HS2ST1: variants seen among roughly 807,000 people sequenced by gnomAD.
HS2ST1 encodes heparan sulfate 2-O-sulfotransferase 1.
A neutral mutation model predicts 42.9 loss-of-function variants in HS2ST1; 18 were observed. The ratio of observed to expected loss-of-function variants is 0.42; its 90% CI spans 0.29 to 0.62. The LOEUF (loss-of-function observed/expected upper bound fraction) is 0.62, where lower values mean the gene tolerates loss of function less well. Among genes scored for constraint, HS2ST1 ranks in the 20% least tolerant of loss-of-function variants. HS2ST1 has a pLI of 0.21. For missense variants in HS2ST1, 334 were observed against 433.8 expected (o/e 0.77, Z 2.04); for synonymous variants, 146 against 152.9 (o/e 0.95, Z 0.33).
At chr1:86,937,275 G>C (rs993576274) in intron 1 of HS2ST1, among the ~76,000 whole-genome samples, 10 of 151,980 alleles carry the variant, frequency 6.6e-5, no homozygotes, top group African/African-American at 2.2e-4. Context: ...TCCTTCCAGA[G>C]GTATTAATTA....
At chr1:87,044,791 A>G (rs1485461453) in intron 1 of HS2ST1, 3 of 521,474 alleles carry the variant, frequency 5.8e-6, no homozygotes, top group Admixed American at 3.5e-5. Context: ...AGCAAAATGA[A>G]TGCTTTCAGA....
intron 1 of HS2ST1, among the ~76,000 whole-genome samples, chr1:87,025,571 A>G (rs972632014): frequency 6.6e-6 from 1 of 152,218 alleles, no homozygotes; most frequent in African/African-American, 2.4e-5. Context: ...ATATTTTAAC[A>G]CCAAATTTAT....
In HS2ST1 at chr1:87,103,554, G is replaced by A. The variant is rs149462918; in HGVS notation, c.809G>A (p.Arg270Gln). The change falls in exon 6 of 7, where the codon CGG becomes CAG. Residue 270 changes from arginine to glutamine, a missense_variant. By Grantham distance (43) the Arg-to-Gln change is conservative. Coordinates refer to ENST00000370550, the MANE Select transcript of HS2ST1 (RefSeq NM_012262.4). The part of the protein sequence containing the change: ...FIMLLEAALP[R>Q]FFRGATELYR... ...ATGTTATTGGAGGCAGCATTGCCCC[G>A]GTTTTTCAGGGGTGCTACTGAACTC... is the stretch of plus-strand genomic sequence containing the variant. 542 of 1,610,884 alleles carry A rather than the reference G, an allele frequency of 3.4e-4. 1 individual carries two copies. In the African/African-American group the frequency reaches 5.7e-3, roughly 17 times the overall value.
At chr1:87,025,398 T>C (rs1650058504) in intron 1 of HS2ST1, among the ~76,000 whole-genome samples, 1 of 152,220 alleles carries the variant, frequency 6.6e-6, no homozygotes, top group Non-Finnish European at 1.5e-5. Flanking sequence ...CTCCCTCTAG[T>C]GTTCCTTATT....
intron 1 of HS2ST1, among the ~76,000 whole-genome samples, chr1:86,940,531 G>A (rs1660740318): frequency 2.0e-5 from 3 of 152,146 alleles, no homozygotes. Flanking sequence ...ATATTCATTA[G>A]GCTATGGTAG....
chr1:87,025,288 T>G (rs1426097575), intron 1 of HS2ST1, among the ~76,000 whole-genome samples: 1 of 152,202 alleles, frequency 6.6e-6, no homozygotes, highest in Non-Finnish European at 1.5e-5. Context: ...AACTTGAACC[T>G]GGAACCCAAC....
At chr1:86,917,299 A>G (rs746206734) in intron 1 of HS2ST1, among the ~76,000 whole-genome samples, 6 of 152,148 alleles carry the variant, frequency 3.9e-5, no homozygotes, top group Non-Finnish European at 8.8e-5. Flanking sequence ...CCGGCGGATC[A>G]TTTGAGGTCA....
rs966629682 is a variant in HS2ST1, at chr1:87,046,595, T to C, written c.125-26339T>C. ...GCGGAAAAGGAAACCTCCAGTTCTG[T>C]TGGACTGGGCTGAAGTACAAAGTCA... is the stretch of plus-strand genomic sequence containing the variant. On this transcript the variant is annotated intron_variant, in intron 1 of 6. Transcript: ENST00000370550. 51 of 1,576,792 alleles carry C rather than the reference T, an allele frequency of 3.2e-5. No individual in the cohort carries two copies. The African/African-American group carries it at 6.4e-4, about 20-fold the overall frequency.
intron 1 of HS2ST1, among the ~76,000 whole-genome samples, chr1:86,973,604 C>T (rs1457537979): frequency 1.2e-4 from 19 of 152,082 alleles, no homozygotes; most frequent in Admixed American, 7.2e-4. Flanking sequence ...TGTTGATTGC[C>T]TTGGGCTAAG....
At chr1:87,044,348 C>T (rs1650592707) in intron 1 of HS2ST1, among the ~76,000 whole-genome samples, 2 of 151,984 alleles carry the variant, frequency 1.3e-5, no homozygotes, top group South Asian at 4.2e-4. Context: ...CTATAAATAA[C>T]CTGAAACTAT....
chr1:86,922,946 C>G (rs1479036203), intron 1 of HS2ST1, among the ~76,000 whole-genome samples: 12 of 152,100 alleles, frequency 7.9e-5, no homozygotes, highest in Admixed American at 7.9e-4. Flanking sequence ...CTCTCAGGAA[C>G]TCAAAATACA....
chr1:87,057,862 AAGAG>A (rs570160730), intron 1 of HS2ST1, among the ~76,000 whole-genome samples: 5 of 151,472 alleles, frequency 3.3e-5, no homozygotes, highest in Non-Finnish European at 7.4e-5. Context: ...AAAAAAGAAA[AAGAG>A]AGAGAAAAAA....
intron 1 of HS2ST1, among the ~76,000 whole-genome samples, chr1:87,035,145 A>C (rs1047752489): frequency 6.6e-6 from 1 of 152,170 alleles, no homozygotes; most frequent in Admixed American, 6.5e-5. Flanking sequence ...TTTCTTCTAG[A>C]TCCTCCAGAA....
chr1:86,955,128 GA>G (rs1647640526), intron 1 of HS2ST1, among the ~76,000 whole-genome samples: 1 of 152,148 alleles, frequency 6.6e-6, no homozygotes, highest in South Asian at 2.1e-4. Flanking sequence ...TTTGAGCTAT[GA>G]ATTTGGTTCT....
intron 1 of HS2ST1, among the ~76,000 whole-genome samples, chr1:86,918,955 AT>A (rs555267145): frequency 5.4e-5 from 8 of 147,738 alleles, no homozygotes; most frequent in Admixed American, 2.0e-4. Context: ...TCTTTTTTAA[AT>A]TTTTTTTATT....
intron 5 of HS2ST1, among the ~76,000 whole-genome samples, chr1:87,103,140 G>T (rs1354512283): frequency 2.0e-5 from 3 of 152,120 alleles, no homozygotes; most frequent in Non-Finnish European, 2.9e-5. Flanking sequence ...TATGGGAGGG[G>T]TGTATGTTTC....
intron 2 of HS2ST1, among the ~76,000 whole-genome samples, chr1:87,079,470 T>C (rs1651629714): frequency 6.6e-6 from 1 of 152,164 alleles, no homozygotes. Context: ...GTTTTCTAGA[T>C]TAGTGTGAAC....
chr1:87,060,737 T>C (rs1453755198), intron 1 of HS2ST1, among the ~76,000 whole-genome samples: 1 of 152,182 alleles, frequency 6.6e-6, no homozygotes, highest in African/African-American at 2.4e-5. Flanking sequence ...GGATTTCACA[T>C]TGTTAAATTA....
intron 1 of HS2ST1, among the ~76,000 whole-genome samples, chr1:87,066,332 A>G (rs948692811): frequency 1.3e-5 from 2 of 152,188 alleles, no homozygotes; most frequent in African/African-American, 4.8e-5. Context: ...CTTCAGTTGG[A>G]AATAATAGTG....
Sources: gnomAD v4.1 joint callset for allele counts (sites outside exome capture counted in the v4.1 genomes callset) on GRCh38, gnomAD v4.1.1 for gene constraint, MANE v1.5 for transcripts, NCBI Gene and HGNC (gene_info 2026-07-23, HGNC 2026-07-21) for gene names.